XIRP1: variants seen among roughly 807,000 people sequenced by gnomAD.
XIRP1 encodes the protein xin actin-binding repeat-containing protein 1.
For missense variants in XIRP1, 2,378 were observed against 2,345.4 expected (o/e 1.01, Z -0.29); for synonymous variants, 984 against 947.0 (o/e 1.04, Z -0.72).
intron 1 of XIRP1, among the ~76,000 whole-genome samples, chr3:39,190,663 C>A (rs558978389): frequency 2.6e-5 from 4 of 151,950 alleles, no homozygotes; most frequent in African/African-American, 9.7e-5. Context: ...CCCTCAATGA[C>A]CTACCACCCC....
Position 39,188,485 on chromosome 3 carries a change from C to T in XIRP1, c.961G>A (p.Glu321Lys). The T allele has an allele frequency of 1.9e-6, 3 of 1,602,952 alleles. No homozygotes were observed. Among genetic ancestry groups the T allele is most frequent in the Non-Finnish European group, 2.6e-6 (3 of 1,172,070 alleles). ...FETQPLDAIR[E>K]ILVDEKDFQP... The stretch of plus-strand genomic sequence containing the variant: ...AAGTCCTTCTCATCTACCAAGATCT[C>T]CCGGATGGCATCCAGGGGCTGTGTC... The change falls in exon 2 of 2, where the codon GAG becomes AAG. Residue 321 changes from glutamate (E) to lysine (K), a missense_variant. Glu to Lys is a moderately conservative substitution (Grantham distance 56). Transcript: ENST00000340369.
Position 39,184,888 on chromosome 3 carries a change from C to A in XIRP1, c.4558G>T (p.Ala1520Ser). The A allele has an allele frequency of 1.3e-6, 2 of 1,597,120 alleles. No individual in the cohort carries two copies. Among genetic ancestry groups the A allele is most frequent in the Non-Finnish European group, 1.7e-6 (2 of 1,169,436 alleles). Reference protein sequence around the residue: ...QAPAAHQKPEASVEQAFGELT... With the variant: ...QAPAAHQKPESSVEQAFGELT... The stretch of plus-strand genomic sequence containing the variant: ...TCCCCAAAGGCCTGCTCCACTGAGG[C>A]CTCGGGCTTTTGGTGGGCAGCAGGA... The change falls in exon 2 of 2, where the codon GCC becomes TCC. Residue 1520 changes from alanine to serine, a missense_variant. Coordinates refer to ENST00000340369, the MANE Select transcript of XIRP1 (RefSeq NM_194293.4).
In XIRP1 at chr3:39,187,334, C is replaced by T. The variant is rs765991764; in HGVS notation, c.2112G>A (p.Glu704=). ...SRQKEVFQAL[E]AGKKEEQEPR... is the part of the protein sequence containing the mutation. The stretch of plus-strand genomic sequence containing the variant: ...GCTCCTGTTCTTCCTTCTTGCCTGC[C>T]TCCAGGGCCTGAAAAACCTCTTTCT... The change falls in exon 2 of 2, where the codon GAG becomes GAA. Residue 704 remains glutamate (E), a synonymous_variant. Transcript: ENST00000340369. 1 of 1,603,918 alleles carries T rather than the reference C, an allele frequency of 6.2e-7. No individual in the cohort carries two copies. The highest frequency in any genetic ancestry group is 1.1e-5 in the South Asian group (1 of 90,154).
rs754412378 is a variant in XIRP1, at chr3:39,185,321, C to T, written c.4125G>A (p.Lys1375=). The T allele has an allele frequency of 1.8e-5, 29 of 1,614,220 alleles. No individual in the cohort carries two copies. Among genetic ancestry groups the T allele is most frequent in the Non-Finnish European group, 2.2e-5 (26 of 1,180,046 alleles). The change falls in exon 2 of 2, where the codon AAG becomes AAA. Residue 1375 remains lysine, a synonymous_variant. Coordinates refer to ENST00000340369, the MANE Select transcript of XIRP1 (RefSeq NM_194293.4). ...ERDTAIPQPA[K]VPTTVDQGHI... is the part of the protein sequence containing the mutation. ...GGCCCTGGTCTACAGTAGTGGGAAC[C>T]TTGGCTGGCTGAGGGATGGCTGTAT...
Position 39,189,230 on chromosome 3 carries a change from AGCCTC to A in XIRP1, c.211_215del (p.Glu71CysfsTer7). ...GGACCTCAGCCAGATCCTCGGCCAC[AGCCTC>A]AGCCAGATTCTTGCGGAGCTCAGGG... On this transcript the variant is annotated frameshift_variant, in exon 2 of 2. Transcript: ENST00000340369. LOFTEE classifies it low-confidence loss of function (END_TRUNC). 1.2e-6 allele frequency: 2 copies of A among 1,614,152 alleles called. No homozygotes were observed. Among genetic ancestry groups the A allele is most frequent in the Non-Finnish European group, 1.7e-6 (2 of 1,180,030 alleles).
Position 39,184,483 on chromosome 3 carries a change from A to G in XIRP1, c.4963T>C (p.Cys1655Arg). ...CTGGAAGGTAAAACCCGAGGAGGGC[A>G]CAAATACTCTCTTGATGTCTCCTGC... ...RRQETSREYL[C>R]PPRVLPSSRD... is the part of the protein sequence containing the mutation. Residue 1655 changes from cysteine to arginine, a missense_variant, in exon 2 of 2, where the codon TGC (cysteine) becomes CGC (arginine). Coordinates refer to ENST00000340369, the MANE Select transcript of XIRP1 (RefSeq NM_194293.4). The G allele has an allele frequency of 6.2e-7, 1 of 1,614,170 alleles. No homozygotes were observed. The highest frequency in any genetic ancestry group is 8.5e-7 in the Non-Finnish European group (1 of 1,180,050).
Position 39,184,650 on chromosome 3 carries a change from G to A in XIRP1, c.4796C>T (p.Ser1599Leu), listed in dbSNP as rs1457511924. 1.9e-6 allele frequency: 3 copies of A among 1,613,882 alleles called. No homozygotes were observed. The highest frequency in any genetic ancestry group is 1.7e-6 in the Non-Finnish European group (2 of 1,179,862). Residue 1599 changes from serine to leucine, a missense_variant, in exon 2 of 2, where the codon TCA becomes TTA. By Grantham distance (145) the Ser-to-Leu change is moderately radical (BLOSUM62 -2). Coordinates refer to ENST00000340369, the MANE Select transcript of XIRP1 (RefSeq NM_194293.4). ...TVSSSARPSG[S>L]GQEVGGQTAV... ...AGTTTGACCTCCGACCTCCTGGCCTGAGCCACTGGGCCTGGCGCTACTGCT... is the reference window on the plus strand; with the variant it reads ...AGTTTGACCTCCGACCTCCTGGCCTAAGCCACTGGGCCTGGCGCTACTGCT...
In XIRP1 at chr3:39,185,942, G is replaced by C. The variant is rs2039961180; in HGVS notation, c.3504C>G (p.His1168Gln). 1 of 1,613,960 alleles carries C rather than the reference G, an allele frequency of 6.2e-7. No homozygotes were observed. The highest frequency in any genetic ancestry group is 8.5e-7 in the Non-Finnish European group (1 of 1,179,974). ...QLSQREPQSR[H>Q]RETALSVQAP... ...CCTGGACTGAGAGGGCAGTCTCCCT[G>C]TGCCTTGACTGGGGTTCCCTCTGAG... The change falls in exon 2 of 2, where the codon CAC (histidine) becomes CAG (glutamine). Residue 1168 changes from histidine to glutamine, a missense_variant. Transcript: ENST00000340369.
rs765382476 is a variant in XIRP1, at chr3:39,187,351, C to T, written c.2095G>A (p.Val699Ile). Reference protein sequence around the residue: ...PSGQVSRQKEVFQALEAGKKE... With the variant: ...PSGQVSRQKEIFQALEAGKKE... The stretch of plus-strand genomic sequence containing the variant: ...TTGCCTGCCTCCAGGGCCTGAAAAA[C>T]CTCTTTCTGACGAGACACCTGCCCT... The change falls in exon 2 of 2, where the codon GTT becomes ATT. Residue 699 changes from valine to isoleucine, a missense_variant. Physicochemically the swap from Val to Ile is conservative, Grantham distance 29. Coordinates refer to ENST00000340369, the MANE Select transcript of XIRP1 (RefSeq NM_194293.4). 1.2e-6 allele frequency: 2 copies of T among 1,607,108 alleles called. No individual in the cohort carries two copies. Among genetic ancestry groups the T allele is most frequent in the Non-Finnish European group, 8.5e-7 (1 of 1,175,866 alleles).
chr3:39,189,104 G>A lies in XIRP1; in HGVS notation c.342C>T (p.Ala114=). 1 of 1,614,144 alleles carries A rather than the reference G, an allele frequency of 6.2e-7. No individual in the cohort carries two copies. The highest frequency in any genetic ancestry group is 8.5e-7 in the Non-Finnish European group (1 of 1,180,034). The change falls in exon 2 of 2, where the codon GCC becomes GCT. Residue 114 remains alanine, a synonymous_variant. Transcript: ENST00000340369. ...DAIGEHERPA[A]KEPVLCGDVQ... is the part of the protein sequence containing the mutation. ...CGTCACCACACAGCACGGGCTCCTT[G>A]GCAGCTGGCCTCTCGTGTTCTCCAA... is the stretch of plus-strand genomic sequence containing the variant.
chr3:39,187,055 T>G lies in XIRP1; in HGVS notation c.2391A>C (p.Pro797=). The G allele has an allele frequency of 6.2e-7, 1 of 1,612,580 alleles. No homozygotes were observed. The highest frequency in any genetic ancestry group is 8.5e-7 in the Non-Finnish European group (1 of 1,178,736). The change falls in exon 2 of 2, where the codon CCA becomes CCC. Residue 797 remains proline, a synonymous_variant. Coordinates refer to ENST00000340369, the MANE Select transcript of XIRP1 (RefSeq NM_194293.4). ...CATACTTGGCAAGACAGAGCTCCCC[T>G]GGCCCTCGGGCCTCCATGAGGATGC... ...HGGILMEARG[P]GELCLAKYVL... is the part of the protein sequence containing the mutation.
rs539909254 is a variant in XIRP1 at position 39,183,484 on chromosome 3, G to A, written c.*430C>T. The A allele has an allele frequency of 1.2e-5, 2 of 165,858 alleles. No homozygotes were observed. The highest frequency in any genetic ancestry group is 2.4e-5 in the African/African-American group (1 of 41,796). 10.3% of individuals were successfully genotyped at this position (165,858 alleles called of 1,614,324 possible). Reference sequence around the variant, plus strand: ...TCCAGTTGGCTCTGTTCCTCTCCAGGGATTAAGGAGCAGATGGCTGGGAAC... The same window carrying A: ...TCCAGTTGGCTCTGTTCCTCTCCAGAGATTAAGGAGCAGATGGCTGGGAAC... On this transcript the variant is annotated 3_prime_UTR_variant, in exon 2 of 2. Coordinates refer to ENST00000340369, the MANE Select transcript of XIRP1 (RefSeq NM_194293.4).
At chr3:39,191,568 C>T (rs892213623) in intron 1 of XIRP1, among the ~76,000 whole-genome samples, 2 of 152,232 alleles carry the variant, frequency 1.3e-5, no homozygotes, top group Non-Finnish European at 2.9e-5. Context: ...AGCATGTCTC[C>T]TGACTCCTGG....
chr3:39,187,283 G>T lies in XIRP1; in HGVS notation c.2163C>A (p.Pro721=). Residue 721 remains proline (P), a synonymous_variant, in exon 2 of 2, where the codon CCC becomes CCA. Coordinates refer to ENST00000340369, the MANE Select transcript of XIRP1 (RefSeq NM_194293.4). ...QEPRVIAGSI[P]AGSVHKFTWL... is the part of the protein sequence containing the mutation. ...AAGTGAACTTGTGGACAGAACCCGC[G>T]GGGATGGACCCAGCGATTACCCGGG... 6.3e-7 allele frequency: 1 copy of T among 1,585,858 alleles called. No individual in the cohort carries two copies. Among genetic ancestry groups the T allele is most frequent in the African/African-American group, 1.4e-5 (1 of 73,858 alleles).
In XIRP1 at chr3:39,184,243, G is replaced by T; in HGVS notation, c.5203C>A (p.Pro1735Thr). Residue 1735 changes from proline (P) to threonine (T), a missense_variant, in exon 2 of 2, where the codon CCT (proline) becomes ACT (threonine). Pro to Thr is a conservative substitution (Grantham distance 38, BLOSUM62 -1). Transcript: ENST00000340369. Reference protein sequence around the residue: ...TQCSVQPEPAPPSASPLPRGW... With the variant: ...TQCSVQPEPATPSASPLPRGW... ...CTGGGCAGGGGACTGGCTGAGGGAG[G>T]GGCAGGTTCAGGTTGCACAGAGCAC... 1 of 1,614,174 alleles carries T rather than the reference G, an allele frequency of 6.2e-7. No homozygotes were observed. The highest frequency in any genetic ancestry group is 8.5e-7 in the Non-Finnish European group (1 of 1,180,008).
rs773767400 is a variant in XIRP1, at chr3:39,186,565, C to T, written c.2881G>A (p.Ala961Thr). 1.2e-6 allele frequency: 2 copies of T among 1,611,052 alleles called. No homozygotes were observed. Among genetic ancestry groups the T allele is most frequent in the Non-Finnish European group, 1.7e-6 (2 of 1,178,250 alleles). The change falls in exon 2 of 2, where the codon GCC becomes ACC. Residue 961 changes from alanine to threonine, a missense_variant. Physicochemically the swap from Ala to Thr is moderately conservative, Grantham distance 58. Transcript: ENST00000340369. ...CTCTCAGTTGGGTGCAGGCTCTGGG[C>T]CCCCTCGCTGGCTGGCACTGGACTC... ...DPSPVPASEG[A>T]QSLHPTESII...
At position 39,188,101 on chromosome 3, in the gene XIRP1, G is replaced by T. The variant is rs747577100; in HGVS notation, c.1345C>A (p.Pro449Thr). Reference sequence around the variant, plus strand: ...TCACCCTGTCCAATGCTGTCCAAGGGAAGGGTCTCAAAAAGGTTCTTAAAA... The same window carrying T: ...TCACCCTGTCCAATGCTGTCCAAGGTAAGGGTCTCAAAAAGGTTCTTAAAA... ...KTFKNLFETL[P>T]LDSIGQGEVL... The change falls in exon 2 of 2, where the codon CCC becomes ACC. Residue 449 changes from proline (P) to threonine (T), a missense_variant. Pro to Thr is a conservative substitution (Grantham distance 38). Coordinates refer to ENST00000340369, the MANE Select transcript of XIRP1 (RefSeq NM_194293.4). The T allele has an allele frequency of 1.9e-5, 31 of 1,614,076 alleles. No individual in the cohort carries two copies. The highest frequency in any genetic ancestry group is 1.8e-4 in the Admixed American group (11 of 60,012).
chr3:39,186,980 C>T lies in XIRP1; in HGVS notation c.2466G>A (p.Leu822=). The change falls in exon 2 of 2, where the codon CTG becomes CTA. Residue 822 remains leucine (L), a synonymous_variant. Coordinates refer to ENST00000340369, the MANE Select transcript of XIRP1 (RefSeq NM_194293.4). The part of the protein sequence containing the change: ...QGHPYIRKEE[L]VSGELPRIIC... ...TGATCCTGGGAAGTTCACCTGACAC[C>T]AGCTCCTCCTTTCGTATATAAGGGT... 6.2e-7 allele frequency: 1 copy of T among 1,605,488 alleles called. No individual in the cohort carries two copies. Among genetic ancestry groups the T allele is most frequent in the Non-Finnish European group, 8.5e-7 (1 of 1,172,814 alleles).
chr3:39,188,395 T>G lies in XIRP1; in HGVS notation c.1051A>C (p.Thr351Pro), dbSNP rs2125902794. 3.1e-6 allele frequency: 5 copies of G among 1,611,596 alleles called. No homozygotes were observed. Among genetic ancestry groups the G allele is most frequent in the Non-Finnish European group, 4.2e-6 (5 of 1,178,084 alleles). ...DVQQQQHLFE[T>P]RALDTLKGDE... ...CCCTTCAGAGTGTCCAGCGCTCGGG[T>G]CTCAAACAGATGCTGCTGCTGCTGA... Residue 351 changes from threonine to proline, a missense_variant, in exon 2 of 2, where the codon ACC (threonine) becomes CCC (proline). Coordinates refer to ENST00000340369, the MANE Select transcript of XIRP1 (RefSeq NM_194293.4).
Sources: allele counts gnomAD v4.1 joint callset (sites outside exome capture counted in the v4.1 genomes callset), GRCh38; gene constraint gnomAD v4.1.1; transcripts MANE v1.5; gene names NCBI Gene and HGNC (gene_info 2026-07-23, HGNC 2026-07-21).